Variants in NCALD observed in about 807,000 individuals in gnomAD.
NCALD encodes neurocalcin-delta.
NCALD carries 10 observed loss-of-function variants against 18.6 expected under a neutral mutation model. That is an observed-to-expected ratio of 0.54 (90% CI 0.33 to 0.91). The LOEUF (loss-of-function observed/expected upper bound fraction) is 0.91, where lower values mean the gene tolerates loss of function less well. Ranked by LOEUF, NCALD falls within the 40% of genes least tolerant of loss-of-function variation. The probability of loss-of-function intolerance (pLI) is 0.03; values close to 1 mark genes in which losing one functional copy is unlikely to be tolerated. For synonymous variants in NCALD, 88 were observed against 87.4 expected (o/e 1.01, Z -0.04); for missense variants, 184 against 247.6 (o/e 0.74, Z 1.72).
intron 1 of NCALD, among the ~76,000 whole-genome samples, chr8:102,089,571 G>A (rs1824856081): frequency 1.3e-5 from 2 of 152,006 alleles, no homozygotes; most frequent in South Asian, 4.1e-4. Context: ...AAAGTAAAAA[G>A]CGTAATGCCT....
At chr8:101,880,557 C>T (rs563986913) in intron 4 of NCALD, among the ~76,000 whole-genome samples, 2 of 152,218 alleles carry the variant, frequency 1.3e-5, no homozygotes, top group East Asian at 1.9e-4. Flanking sequence ...GCTGCCAGCA[C>T]GCTGTCACCT....
At chr8:102,042,573 G>A (rs1210980005) in intron 1 of NCALD, among the ~76,000 whole-genome samples, 1 of 151,924 alleles carries the variant, frequency 6.6e-6, no homozygotes, top group Non-Finnish European at 1.5e-5. Flanking sequence ...CCAGAAGTGA[G>A]CCACTCACAA....
intron 1 of NCALD, among the ~76,000 whole-genome samples, chr8:101,752,445 G>A (rs191638631): frequency 6.6e-6 from 1 of 152,264 alleles, no homozygotes; most frequent in Admixed American, 6.5e-5. Flanking sequence ...ACTTGGATTA[G>A]TCCATAACAA....
At chr8:102,007,470 T>C (rs1821753185) in intron 2 of NCALD, among the ~76,000 whole-genome samples, 2 of 152,324 alleles carry the variant, frequency 1.3e-5, no homozygotes, top group Non-Finnish European at 2.9e-5. Context: ...CCTTGAAAAG[T>C]ACAGCTCTAA....
At chr8:102,034,034 A>ACG (rs1822776639) in intron 1 of NCALD, among the ~76,000 whole-genome samples, 1 of 151,848 alleles carries the variant, frequency 6.6e-6, no homozygotes, top group African/African-American at 2.4e-5. Flanking sequence ...ACACACACAC[A>ACG]CACACACACA....
intron 4 of NCALD, among the ~76,000 whole-genome samples, chr8:101,874,700 A>T (rs1816158354): frequency 6.6e-6 from 1 of 151,916 alleles, no homozygotes. Context: ...AATTTTAAAA[A>T]ATTTTTTTGT....
intron 2 of NCALD, among the ~76,000 whole-genome samples, chr8:101,952,047 G>T (rs548368953): frequency 6.6e-6 from 1 of 152,238 alleles, no homozygotes; most frequent in Admixed American, 6.5e-5. Flanking sequence ...AAAGGAGCAA[G>T]TTCTTCCTAG....
intron 4 of NCALD, among the ~76,000 whole-genome samples, chr8:101,851,378 T>TA (rs563978195): frequency 6.8e-4 from 99 of 146,646 alleles, no homozygotes; most frequent in East Asian, 2.0e-3. Flanking sequence ...CTCATTAAAC[T>TA]AAAAAAAAAA....
intron 3 of NCALD, among the ~76,000 whole-genome samples, chr8:101,892,241 A>T (rs1264944): frequency 1.4e-5 from 2 of 143,854 alleles, no homozygotes; most frequent in Non-Finnish European, 3.0e-5. Flanking sequence ...AGGCACCCCC[A>T]AGCAGGGGCA....
chr8:101,776,149 A>G (rs888490517), intron 1 of NCALD, among the ~76,000 whole-genome samples: 5 of 152,296 alleles, frequency 3.3e-5, no homozygotes, highest in African/African-American at 9.6e-5. Flanking sequence ...AAAACCTGAA[A>G]TTAATTATTC....
At chr8:102,026,723 G>C (rs1171322721) in intron 1 of NCALD, among the ~76,000 whole-genome samples, 1 of 152,164 alleles carries the variant, frequency 6.6e-6, no homozygotes, top group East Asian at 1.9e-4. Context: ...AGCTCCACTA[G>C]GCAGTGCCCC....
At chr8:102,081,556 A>AC (rs1824530462) in intron 1 of NCALD, among the ~76,000 whole-genome samples, 1 of 102,914 alleles carries the variant, frequency 9.7e-6, no homozygotes, top group Non-Finnish European at 1.8e-5. Flanking sequence ...AAAAAAAAAA[A>AC]AAAAAAAAAA....
chr8:101,894,789 T>C (rs1189977148), intron 3 of NCALD, among the ~76,000 whole-genome samples: 1 of 150,524 alleles, frequency 6.6e-6, no homozygotes, highest in Non-Finnish European at 1.5e-5. Context: ...CCTCAACACA[T>C]ACACTCTCCC....
At chr8:102,007,411 A>G (rs1273481662) in intron 2 of NCALD, among the ~76,000 whole-genome samples, 1 of 152,246 alleles carries the variant, frequency 6.6e-6, no homozygotes, top group Non-Finnish European at 1.5e-5. Flanking sequence ...CAGGTGCCTG[A>G]ATCCGAATTT....
chr8:101,692,065 A>C (rs2129959392), intron 3 of NCALD: 1 of 974,098 alleles, frequency 1.0e-6, no homozygotes, highest in African/African-American at 1.7e-5. Flanking sequence ...AGTTGGCTAA[A>C]CAATTGTTAG....
At chr8:102,007,416 G>A (rs866961321) in intron 2 of NCALD, among the ~76,000 whole-genome samples, 4 of 152,192 alleles carry the variant, frequency 2.6e-5, no homozygotes, top group Non-Finnish European at 5.9e-5. Context: ...GCCTGAATCC[G>A]AATTTCATCA....
chr8:101,780,666 C>T (rs1314302084), intron 1 of NCALD, among the ~76,000 whole-genome samples: 4 of 151,800 alleles, frequency 2.6e-5, no homozygotes, highest in East Asian at 1.9e-4. Flanking sequence ...CACAACAATG[C>T]GAATGTACTT....
chr8:101,692,757 A>G lies in NCALD; in HGVS notation c.484+34T>C, dbSNP rs777637674. 8 of 1,572,038 alleles carry G rather than the reference A, an allele frequency of 5.1e-6. No homozygotes were observed. The South Asian group carries it at 5.6e-5, about 11-fold the overall frequency. On this transcript the variant is annotated intron_variant, in intron 3 of 3. Transcript: ENST00000220931. ...CTCTCCAGTCCTTCCAGCAGCCCCC[A>G]TCTGAGCAAAGCAGTGTAGCCCCCG... is the stretch of plus-strand genomic sequence containing the variant.
intron 1 of NCALD, among the ~76,000 whole-genome samples, chr8:101,757,869 C>A (rs1044007025): frequency 6.6e-6 from 1 of 152,098 alleles, no homozygotes; most frequent in Non-Finnish European, 1.5e-5. Context: ...CCTAACCCAA[C>A]CATCAGAGAG....
Sources: gnomAD v4.1 joint callset for allele counts (sites outside exome capture counted in the v4.1 genomes callset) on GRCh38, gnomAD v4.1.1 for gene constraint, MANE v1.5 for transcripts, NCBI Gene and HGNC (gene_info 2026-07-23, HGNC 2026-07-21) for gene names.